Variants in HSH2D observed in about 807,000 individuals in gnomAD.
The protein encoded by HSH2D is hematopoietic SH2 domain containing, also known as hematopoietic SH2 domain-containing protein.
In HSH2D, 16 loss-of-function variants were observed where a neutral mutation model predicts 21.5. That is an observed-to-expected ratio of 0.74 (90% CI 0.50 to 1.13). HSH2D has a LOEUF of 1.13. HSH2D is among the 50% of genes most tolerant of loss of function. The pLI is 0.00. For missense variants in HSH2D, 418 were observed against 441.4 expected, an observed-to-expected ratio of 0.95 and a Z score of 0.47; for synonymous variants, 172 against 184.7, an observed-to-expected ratio of 0.93 and a Z score of 0.56.
rs538800215 is a variant in HSH2D at position 16,145,797 on chromosome 19, C to T, written c.-28+2023C>T. Among the ~76,000 whole-genome samples the T allele has an allele frequency of 3.3e-5, 5 of 151,722 alleles. No individual in the cohort carries two copies. In the South Asian group the frequency reaches 6.3e-4, roughly 19 times the overall value. ...AAGGACAGAATTTATGGTGAGTGGC[C>T]GGGCGCAGTGGCTCACGCCTGTAAT... On this transcript the variant is annotated intron_variant, in intron 1 of 5. Transcript: ENST00000613986.
chr19:16,148,554 G>A (rs2091103169), intron 1 of HSH2D, among the ~76,000 whole-genome samples, 170 bp from the exon 2 acceptor site: 1 of 152,146 alleles, frequency 6.6e-6, no homozygotes, highest in Non-Finnish European at 1.5e-5. Context: ...CCAAAGTGCT[G>A]GGATTACACA....
chr19:16,157,256 C>G lies in HSH2D; in HGVS notation c.521C>G (p.Pro174Arg). 1 of 1,589,286 alleles carries G rather than the reference C, an allele frequency of 6.3e-7. No individual in the cohort carries two copies. The highest frequency in any genetic ancestry group is 8.5e-7 in the Non-Finnish European group (1 of 1,169,956). Residue 174 changes from proline (P) to arginine (R), a missense_variant, in exon 6 of 6, where the codon CCG (proline) becomes CGG (arginine). Transcript: ENST00000613986. The surrounding 1 kb of genome is among the most constrained non-coding windows in gnomAD (Gnocchi z 4.4). ...TGTCACCAATCAAAGGAAAGGAAGCCGTCAGCAGAGATGAACAGAATAACC... is the reference window on the plus strand; with the variant it reads ...TGTCACCAATCAAAGGAAAGGAAGCGGTCAGCAGAGATGAACAGAATAACC... ...VLCHQSKERK[P>R]SAEMNRITTK...
chr19:16,138,010 A>C (rs1253882974), intron 1 of HSH2D, among the ~76,000 whole-genome samples: 1 of 152,140 alleles, frequency 6.6e-6, no homozygotes, highest in Non-Finnish European at 1.5e-5. Flanking sequence ...CTGGGATTAC[A>C]GGTCCCGCCA....
chr19:16,142,387 C>T (rs2091008112), upstream of HSH2D, among the ~76,000 whole-genome samples: 2 of 152,202 alleles, frequency 1.3e-5, no homozygotes, highest in Admixed American at 6.5e-5. Context: ...CTGCTGTTCC[C>T]ACTTCCTGTT....
chr19:16,148,107 C>T (rs2091097370), intron 1 of HSH2D, among the ~76,000 whole-genome samples: 1 of 152,062 alleles, frequency 6.6e-6, no homozygotes. Flanking sequence ...TACAGGCATG[C>T]ACCACCACAC....
chr19:16,150,211 G>C (rs2091129845), intron 2 of HSH2D, among the ~76,000 whole-genome samples: 1 of 151,968 alleles, frequency 6.6e-6, no homozygotes, highest in Non-Finnish European at 1.5e-5. Context: ...GGAGTTCAAG[G>C]CTGGCCTGGA....
intron 1 of HSH2D, among the ~76,000 whole-genome samples, chr19:16,144,997 T>C (rs1383885246): frequency 6.7e-6 from 1 of 150,256 alleles, no homozygotes; most frequent in African/African-American, 2.4e-5. Context: ...TGTCCCAGGC[T>C]CTTTTTTTGT....
At chr19:16,135,437 AAC>A (rs2090955933) in intron 1 of HSH2D, among the ~76,000 whole-genome samples, 1 of 151,880 alleles carries the variant, frequency 6.6e-6, no homozygotes, top group Non-Finnish European at 1.5e-5. Context: ...TCAAAAAAAA[AAC>A]AAAAAACCTC....
At chr19:16,141,938 TAGTC>T (rs1221256958), upstream of HSH2D, 1 of 151,918 alleles carries the variant, frequency 6.6e-6, no homozygotes, top group African/African-American at 2.4e-5. Flanking sequence ...TTTTTTTAAT[TAGTC>T]AGGTGTGGTG....
intron 2 of HSH2D, chr19:16,151,599 A>C (rs1599421877): frequency 4.4e-6 from 2 of 455,736 alleles, no homozygotes; most frequent in Non-Finnish European, 8.8e-6. Context: ...GTTACTTGTG[A>C]CACCTTGATC....
chr19:16,151,538 G>C (rs920647615), intron 2 of HSH2D: 4 of 455,944 alleles, frequency 8.8e-6, no homozygotes, highest in African/African-American at 4.0e-5. Context: ...CTGATGGACA[G>C]TAGAGCTGGG....
At chr19:16,154,254 T>C (rs941395707) in intron 4 of HSH2D, 145 bp from the exon 5 acceptor site, 9 of 546,480 alleles carry the variant, frequency 1.6e-5, no homozygotes, top group Non-Finnish European at 2.6e-5. Flanking sequence ...GGGTGGGGCA[T>C]ATTTTCTTAT....
intron 1 of HSH2D, among the ~76,000 whole-genome samples, chr19:16,147,954 A>C (rs928169879): frequency 6.8e-6 from 1 of 147,768 alleles, no homozygotes; most frequent in Non-Finnish European, 1.5e-5. Flanking sequence ...CACACAAGCC[A>C]GTTTTTTGTT....
upstream of HSH2D, among the ~76,000 whole-genome samples, chr19:16,141,651 C>T (rs996563927): frequency 1.3e-5 from 2 of 152,198 alleles, no homozygotes; most frequent in Non-Finnish European, 2.9e-5. Flanking sequence ...TAAGCTGGCA[C>T]GGCGGCCCAC....
At chr19:16,150,120 A>G (rs1011776192) in intron 2 of HSH2D, among the ~76,000 whole-genome samples, 1 of 152,222 alleles carries the variant, frequency 6.6e-6, no homozygotes, top group African/African-American at 2.4e-5. Flanking sequence ...AGTTATATTA[A>G]AAGAAGCAGC....
At chr19:16,146,458 T>C (rs1281073772) in intron 1 of HSH2D, among the ~76,000 whole-genome samples, 1 of 152,132 alleles carries the variant, frequency 6.6e-6, no homozygotes, top group Non-Finnish European at 1.5e-5. Flanking sequence ...TTAGGATTGC[T>C]TGAGCCCAGG....
intron 1 of HSH2D, among the ~76,000 whole-genome samples, chr19:16,146,807 C>T (rs111750286): frequency 0.019 from 2,936 of 151,326 alleles, 91 homozygotes; most frequent in African/African-American, 0.067. Context: ...TTGATATTTA[C>T]TTAATATTTA....
In HSH2D at chr19:16,157,646, C is replaced by T. The variant is rs1272242421; in HGVS notation, c.911C>T (p.Pro304Leu). The change falls in exon 6 of 6, where the codon CCA becomes CTA. Residue 304 changes from proline (P) to leucine (L), a missense_variant. Transcript: ENST00000613986. This position sits in a 1 kb window ranked among gnomAD's most constrained non-coding sequence, Gnocchi z 4.4. ...TCGGTCAGCTGCATTGAGGTGACCC[C>T]AGGGGACAGGAGTTGGCACCAAATG... is the stretch of plus-strand genomic sequence containing the variant. ...ERSVSCIEVTPGDRSWHQMVV... is the reference protein window; with the variant it reads ...ERSVSCIEVTLGDRSWHQMVV... 2 of 1,613,430 alleles carry T rather than the reference C, an allele frequency of 1.2e-6. No homozygotes were observed. Among genetic ancestry groups the T allele is most frequent in the Non-Finnish European group, 1.7e-6 (2 of 1,179,716 alleles).
intron 2 of HSH2D, among the ~76,000 whole-genome samples, chr19:16,151,757 C>T (rs2091154031): frequency 7.3e-6 from 1 of 137,008 alleles, no homozygotes; most frequent in Non-Finnish European, 1.5e-5. Context: ...CCAAGGTCTG[C>T]CACAGCTGAA....
Sources: allele counts gnomAD v4.1 joint callset (sites outside exome capture counted in the v4.1 genomes callset), GRCh38; gene constraint gnomAD v4.1.1; non-coding constraint Gnocchi (gnomAD v3.1); transcripts MANE v1.5; gene names NCBI Gene and HGNC (gene_info 2026-07-23, HGNC 2026-07-21).